Variants in CEP162 observed in about 807,000 individuals in gnomAD.
CEP162 encodes the protein centrosomal protein of 162 kDa.
In CEP162, 141 loss-of-function variants were observed where a neutral mutation model predicts 169.2. The ratio of observed to expected loss-of-function variants is 0.83; its 90% CI spans 0.73 to 0.96. The LOEUF is 0.96. Among genes scored for constraint, CEP162 ranks in the 40% least tolerant of loss-of-function variants. The pLI is 0.00. For missense variants in CEP162, 1,600 were observed against 1,587.2 expected (o/e 1.01, Z -0.14); for synonymous variants, 540 against 526.4 (o/e 1.03, Z -0.35).
intron 23 of CEP162, among the ~76,000 whole-genome samples, chr6:84,151,596 G>GT (rs1178586058): frequency 2.0e-5 from 3 of 152,080 alleles, no homozygotes; most frequent in Admixed American, 6.6e-5. Context: ...CACAGAAACC[G>GT]TAAGAATGGG....
chr6:84,151,780 A>G (rs913848077), intron 23 of CEP162, among the ~76,000 whole-genome samples: 1 of 152,130 alleles, frequency 6.6e-6, no homozygotes, highest in Non-Finnish European at 1.5e-5. Flanking sequence ...GGGAGAAGCC[A>G]TTTCAGGAAA....
intron 2 of CEP162, among the ~76,000 whole-genome samples, chr6:84,225,882 G>C (rs1044824863): frequency 9.2e-5 from 14 of 152,164 alleles, no homozygotes; most frequent in African/African-American, 3.4e-4. Context: ...AGAGGGAACA[G>C]TGAGTGCAAA....
chr6:84,167,429 TTAAGTC>T (rs2099528248), intron 18 of CEP162, among the ~76,000 whole-genome samples: 1 of 152,196 alleles, frequency 6.6e-6, no homozygotes. Context: ...TTTAAGCACT[TTAAGTC>T]TATTTATTTT....
intron 13 of CEP162, among the ~76,000 whole-genome samples, chr6:84,176,043 T>C (rs549002037): frequency 6.6e-6 from 1 of 152,242 alleles, no homozygotes; most frequent in South Asian, 2.1e-4. Context: ...ATAAACAATG[T>C]TTAAGAACAG....
At position 84,134,241 on chromosome 6, in the gene CEP162, C is replaced by T. The variant is rs571903754; in HGVS notation, c.3871-7729G>A. ...CTTGAGCATCCCAGGTCACTTCAGA[C>T]AGCTATGCTGGCAGTGAGAATTTCA... On this transcript the variant is annotated intron_variant, in intron 25 of 26. Coordinates refer to ENST00000403245, the MANE Select transcript of CEP162 (RefSeq NM_014895.4). Among the ~76,000 whole-genome samples the T allele has an allele frequency of 7.2e-5, 11 of 152,204 alleles. No individual in the cohort carries two copies. In the South Asian group the frequency reaches 1.9e-3, roughly 26 times the overall value.
chr6:84,214,573 C>T lies in CEP162; in HGVS notation c.503+709G>A, dbSNP rs75777251. ...CATGAAGGTAAATGCATTTCTTTAT[C>T]CACTGTCTATAAAAAACTAACCATC... is the stretch of plus-strand genomic sequence containing the variant. On this transcript the variant is annotated intron_variant, in intron 5 of 26. Transcript: ENST00000403245. Among the ~76,000 whole-genome samples, 437 of 152,258 alleles carry T rather than the reference C, an allele frequency of 2.9e-3. 1 individual carries two copies. The highest frequency in any genetic ancestry group is 9.8e-3 in the African/African-American group (408 of 41,546).
intron 25 of CEP162, among the ~76,000 whole-genome samples, chr6:84,141,062 G>A (rs576104989): frequency 3.9e-5 from 6 of 152,082 alleles, no homozygotes; most frequent in African/African-American, 1.4e-4. Flanking sequence ...ATCTAATGCC[G>A]CCACTGATCT....
At chr6:84,140,276 A>C (rs1421692824) in intron 25 of CEP162, among the ~76,000 whole-genome samples, 1 of 151,892 alleles carries the variant, frequency 6.6e-6, no homozygotes, top group Non-Finnish European at 1.5e-5. Flanking sequence ...TTTGGTTGAT[A>C]CTGGGAGAGT....
In CEP162 at chr6:84,165,342, T is replaced by A. The variant is rs557978341; in HGVS notation, c.2386-2072A>T. Among the ~76,000 whole-genome samples the A allele has an allele frequency of 3.3e-5, 5 of 152,162 alleles. No homozygotes were observed. The South Asian group carries it at 1.0e-3, about 32-fold the overall frequency. ...GGGACATCAAAAAATAAAAATGGAA[T>A]TCTCAATATGGACTACATTCTATAC... On this transcript the variant is annotated intron_variant, in intron 18 of 26. Coordinates refer to ENST00000403245, the MANE Select transcript of CEP162 (RefSeq NM_014895.4).
intron 11 of CEP162, among the ~76,000 whole-genome samples, chr6:84,190,305 G>A (rs546749299): frequency 1.2e-4 from 18 of 152,222 alleles, no homozygotes; most frequent in African/African-American, 3.6e-4. Context: ...ACCAATCAGC[G>A]CCCTGACAAA....
At chr6:84,189,293 C>A (rs903031852) in intron 11 of CEP162, among the ~76,000 whole-genome samples, 7 of 151,572 alleles carry the variant, frequency 4.6e-5, no homozygotes, top group Non-Finnish European at 8.8e-5. Context: ...TTCAGCCCCC[C>A]ACTGCACTGT....
Position 84,152,994 on chromosome 6 carries a change from G to T in CEP162, c.3180C>A (p.Asp1060Glu). The change falls in exon 23 of 27, where the codon GAC (aspartate) becomes GAA (glutamate). Residue 1060 changes from aspartate to glutamate, a missense_variant. Transcript: ENST00000403245. ...DVLKHQNAEL[D>E]VKKNDKDDED... ...CATCATCTTTATCATTTTTCTTGACGTCTAATTCAGCATTCTGATGTTTAA... is the reference window on the plus strand; with the variant it reads ...CATCATCTTTATCATTTTTCTTGACTTCTAATTCAGCATTCTGATGTTTAA... The T allele has an allele frequency of 6.2e-7, 1 of 1,613,280 alleles. No individual in the cohort carries two copies. Among genetic ancestry groups the T allele is most frequent in the Non-Finnish European group, 8.5e-7 (1 of 1,179,640 alleles).
intron 25 of CEP162, among the ~76,000 whole-genome samples, chr6:84,141,581 A>G (rs1216948506): frequency 5.3e-5 from 8 of 152,020 alleles, no homozygotes; most frequent in East Asian, 1.9e-4. Flanking sequence ...AACTCCTCCA[A>G]CTTCCCCAGG....
chr6:84,157,317 A>G lies in CEP162; in HGVS notation c.2782-1807T>C, dbSNP rs188518266. 6.7e-4 allele frequency among the ~76,000 whole-genome samples: 102 copies of G among 152,348 alleles called. 1 individual carries two copies. Among genetic ancestry groups the G allele is most frequent in the Middle Eastern group, 3.4e-3 (1 of 294 alleles). On this transcript the variant is annotated intron_variant, in intron 21 of 26. Transcript: ENST00000403245. ...CTAGATTATCTGATGAAAAAATCTT[A>G]AAGTATATTGTCTAATTACCTATGG... is the stretch of plus-strand genomic sequence containing the variant.
intron 13 of CEP162, among the ~76,000 whole-genome samples, chr6:84,179,112 A>G (rs866459819): frequency 3.1e-4 from 47 of 152,302 alleles, no homozygotes; most frequent in Middle Eastern, 3.4e-3. Flanking sequence ...ATAGTGCCGC[A>G]ATAAACATAC....
chr6:84,219,970 T>C (rs914614713), intron 3 of CEP162, among the ~76,000 whole-genome samples: 3 of 152,036 alleles, frequency 2.0e-5, no homozygotes, highest in African/African-American at 4.8e-5. Flanking sequence ...TGCTAGGCTT[T>C]ATTGGGCAAG....
At chr6:84,178,474 T>C (rs73750538) in intron 13 of CEP162, among the ~76,000 whole-genome samples, 2,452 of 152,302 alleles carry the variant, frequency 0.016, 56 homozygotes, top group African/African-American at 0.055. Flanking sequence ...GTTTACTTTT[T>C]TGGTAATAAT....
intron 22 of CEP162, 51 bp from the exon 23 acceptor site, chr6:84,153,230 G>C: frequency 3.3e-6 from 5 of 1,524,286 alleles, no homozygotes. Flanking sequence ...CGTTTCATTA[G>C]TTGCTGAAGC....
chr6:84,163,358 T>C, intron 18 of CEP162, 88 bp from the exon 19 acceptor site: 5 of 932,750 alleles, frequency 5.4e-6, no homozygotes, highest in Non-Finnish European at 8.0e-6. Context: ...TCATGAACAC[T>C]ACGGCAAAAT....
Sources: allele counts gnomAD v4.1 joint callset (sites outside exome capture counted in the v4.1 genomes callset), GRCh38; gene constraint gnomAD v4.1.1; transcripts MANE v1.5; gene names NCBI Gene and HGNC (gene_info 2026-07-23, HGNC 2026-07-21).